The following HAUS1 variants were observed in gnomAD, a reference collection of about 807,000 sequenced individuals.
HAUS1 encodes HAUS augmin like complex subunit 1.
Under a neutral mutation model 38.6 loss-of-function variants are expected in HAUS1, and 25 were observed. The ratio of observed to expected loss-of-function variants is 0.65; its 90% CI spans 0.47 to 0.91. The LOEUF is 0.91. Ranked by LOEUF, HAUS1 falls within the 40% of genes least tolerant of loss-of-function variation. HAUS1 has a pLI of 0.00. For synonymous variants in HAUS1, 109 were observed against 112.9 expected, an observed-to-expected ratio of 0.97 and a Z score of 0.22; for missense variants, 325 against 328.4, an observed-to-expected ratio of 0.99 and a Z score of 0.08.
intron 2 of HAUS1, among the ~76,000 whole-genome samples, chr18:46,106,364 A>T (rs1199708293): frequency 6.6e-6 from 1 of 152,036 alleles, no homozygotes; most frequent in Non-Finnish European, 1.5e-5. Flanking sequence ...AGCTGCTCGG[A>T]AGGCTGAGGC....
At chr18:46,126,801 TTTTA>T (rs34199777) in intron 8 of HAUS1, 16,734 of 137,948 alleles carry the variant, frequency 0.12, 1,147 homozygotes, top group African/African-American at 0.18. Context: ...ATTTTTGCAT[TTTTA>T]TTTATTTATT....
intron 4 of HAUS1, among the ~76,000 whole-genome samples, chr18:46,120,916 G>A (rs898312236): frequency 3.9e-5 from 6 of 152,054 alleles, no homozygotes; most frequent in African/African-American, 1.4e-4. Context: ...AAATAATATG[G>A]GTTTTAGAAT....
chr18:46,125,413 G>C (rs1437906549), intron 7 of HAUS1, among the ~76,000 whole-genome samples: 1 of 152,182 alleles, frequency 6.6e-6, no homozygotes, highest in Non-Finnish European at 1.5e-5. Flanking sequence ...GCAGGGCGTG[G>C]TGGTGGGCGC....
intron 2 of HAUS1, among the ~76,000 whole-genome samples, chr18:46,109,106 T>C (rs1478676250): frequency 6.6e-6 from 1 of 150,944 alleles, no homozygotes; most frequent in Non-Finnish European, 1.5e-5. Context: ...GAAGTTTAAT[T>C]GACTCACAGT....
chr18:46,116,926 C>T (rs1355347917), intron 2 of HAUS1, among the ~76,000 whole-genome samples: 1 of 151,944 alleles, frequency 6.6e-6, no homozygotes, highest in East Asian at 1.9e-4. Flanking sequence ...CATCTGAGAT[C>T]GTGCCACTGT....
chr18:46,127,814 T>C (rs1912152570), intron 8 of HAUS1, among the ~76,000 whole-genome samples: 1 of 152,146 alleles, frequency 6.6e-6, no homozygotes, highest in Non-Finnish European at 1.5e-5. Flanking sequence ...TCGTTACAGA[T>C]TTCTCTCTCT....
At chr18:46,105,090 C>A in intron 1 of HAUS1, 104 bp from the exon 2 acceptor site, 1 of 742,356 alleles carries the variant, frequency 1.3e-6, no homozygotes, top group Non-Finnish European at 2.1e-6. Flanking sequence ...CCAAAATAGT[C>A]ACAGAAAGCA....
chr18:46,117,215 A>G (rs1911818417), intron 2 of HAUS1, among the ~76,000 whole-genome samples: 1 of 152,240 alleles, frequency 6.6e-6, no homozygotes, highest in African/African-American at 2.4e-5. Flanking sequence ...GTTCATATCA[A>G]AACCTAACAT....
In HAUS1 at chr18:46,113,032, T is replaced by TGGA. The variant is rs1435797813; in HGVS notation, c.206-5149_206-5148insGGA. On this transcript the variant is annotated intron_variant, in intron 2 of 8. Transcript: ENST00000282058. ...GAATATATATATTCCATATTATATA[T>TGGA]ATAATATATATATTCCATATTATAT... is the stretch of plus-strand genomic sequence containing the variant. 1.5e-3 allele frequency among the ~76,000 whole-genome samples: 179 copies of TGGA among 119,476 alleles called. 1 individual carries two copies. The highest frequency in any genetic ancestry group is 3.2e-3 in the South Asian group (13 of 4,000). 78.4% of individuals were successfully genotyped at this position (119,476 alleles called of 152,430 possible). A position where few individuals can be genotyped will look rare whatever the true frequency, so the allele number is the denominator to read the frequency against.
chr18:46,104,959 A>C (rs1911418796), intron 1 of HAUS1, among the ~76,000 whole-genome samples: 1 of 152,094 alleles, frequency 6.6e-6, no homozygotes, highest in Admixed American at 6.6e-5. Context: ...GCAGATTTGG[A>C]AAAGAACGGA....
At position 46,117,932 on chromosome 18, in the gene HAUS1, C is replaced by T. The variant is rs138637564; in HGVS notation, c.206-249C>T. On this transcript the variant is annotated intron_variant, in intron 2 of 8. Coordinates refer to ENST00000282058, the MANE Select transcript of HAUS1 (RefSeq NM_138443.4). ...CTGCACTCCAGCCTGGGCAACAGAG[C>T]GAGACTCCATTTCAAAAAGAAAAAT... 3.2e-3 allele frequency among the ~76,000 whole-genome samples: 485 copies of T among 151,726 alleles called. 3 individuals are homozygous for T. Among genetic ancestry groups the T allele is most frequent in the African/African-American group, 0.011 (464 of 41,338 alleles).
Position 46,118,197 on chromosome 18 carries a change from CCTT to C in HAUS1, c.225_227del (p.Leu76del), listed in dbSNP as rs1171148659. The C allele has an allele frequency of 6.2e-6, 10 of 1,611,792 alleles. No homozygotes were observed. Among genetic ancestry groups the C allele is most frequent in the Non-Finnish European group, 8.5e-6 (10 of 1,179,826 alleles). ...TGTTTTTAGCCAAGTATCTTCAAGA[CCTT>C]CTCATGGAGAGTGTGAATTTTTCCC... On this transcript the variant is annotated inframe_deletion, in exon 3 of 9. Transcript: ENST00000282058.
chr18:46,119,365 A>G (rs1321995388), intron 3 of HAUS1, among the ~76,000 whole-genome samples: 1 of 152,144 alleles, frequency 6.6e-6, no homozygotes, highest in Non-Finnish European at 1.5e-5. Flanking sequence ...GTTGTATGTT[A>G]GTTGTATAAG....
At chr18:46,120,222 G>C (rs1911899712) in intron 4 of HAUS1, among the ~76,000 whole-genome samples, 162 bp downstream of exon 4, 2 of 151,910 alleles carry the variant, frequency 1.3e-5, no homozygotes, top group East Asian at 3.9e-4. Context: ...GAGATGGTTG[G>C]ATATAGACTT....
At chr18:46,108,864 G>A (rs1202194876) in intron 2 of HAUS1, among the ~76,000 whole-genome samples, 1 of 152,014 alleles carries the variant, frequency 6.6e-6, no homozygotes, top group Non-Finnish European at 1.5e-5. Flanking sequence ...AAGGTCAGGC[G>A]ATCAAGACCA....
intron 2 of HAUS1, among the ~76,000 whole-genome samples, chr18:46,106,153 C>G (rs1027374571): frequency 1.3e-5 from 2 of 152,146 alleles, no homozygotes; most frequent in Non-Finnish European, 2.9e-5. Flanking sequence ...TTAGAATTTT[C>G]TGCTGGGCAT....
chr18:46,126,849 T>G (rs961560062), intron 8 of HAUS1: 13 of 135,454 alleles, frequency 9.6e-5, no homozygotes, highest in Middle Eastern at 4.0e-3. Flanking sequence ...TTATTTATTA[T>G]TTTGAGATGG....
chr18:46,116,160 A>C (rs1189306578), intron 2 of HAUS1, among the ~76,000 whole-genome samples: 2 of 152,122 alleles, frequency 1.3e-5, no homozygotes, highest in Non-Finnish European at 2.9e-5. Flanking sequence ...GAAAGGGAAG[A>C]AAGGAAAGAA....
At chr18:46,109,582 A>G (rs1911566023) in intron 2 of HAUS1, 1 of 151,454 alleles carries the variant, frequency 6.6e-6, no homozygotes, top group Admixed American at 6.6e-5. Flanking sequence ...CTTGAGAAGT[A>G]TGTGTATTCT....
Sources: allele counts gnomAD v4.1 joint callset (sites outside exome capture counted in the v4.1 genomes callset), GRCh38; gene constraint gnomAD v4.1.1; transcripts MANE v1.5; gene names NCBI Gene and HGNC (gene_info 2026-07-23, HGNC 2026-07-21).